UST: variants seen among roughly 807,000 people sequenced by gnomAD.
UST encodes chondroitin sulfate 2-O-sulfotransferase.
In UST, 21 loss-of-function variants were observed where a neutral mutation model predicts 45.6. The ratio of observed to expected loss-of-function variants is 0.46; its 90% CI spans 0.33 to 0.66. UST has a LOEUF of 0.66. Among genes scored for constraint, UST ranks in the 30% least tolerant of loss-of-function variants. The pLI is 0.02. For missense variants in UST, 463 were observed against 512.4 expected (o/e 0.90, Z 0.93); for synonymous variants, 215 against 200.6 (o/e 1.07, Z -0.61).
chr6:149,065,905 T>C (rs897805406), intron 7 of UST, among the ~76,000 whole-genome samples: 1 of 152,222 alleles, frequency 6.6e-6, no homozygotes, highest in Non-Finnish European at 1.5e-5. Context: ...TCATTGTTTA[T>C]ATAAACTGTT....
At chr6:148,779,285 A>C (rs1181906903) in intron 1 of UST, among the ~76,000 whole-genome samples, 1 of 152,226 alleles carries the variant, frequency 6.6e-6, no homozygotes, top group East Asian at 1.9e-4. Context: ...AGTCTTGAGG[A>C]GAAGCATTAC....
chr6:149,033,473 A>C (rs1303262078), intron 7 of UST, among the ~76,000 whole-genome samples: 1 of 152,260 alleles, frequency 6.6e-6, no homozygotes, highest in Non-Finnish European at 1.5e-5. Flanking sequence ...ATGGCACAGA[A>C]TTGTGAAAGA....
chr6:148,853,216 G>A (rs1317512404), intron 1 of UST, among the ~76,000 whole-genome samples: 1 of 152,080 alleles, frequency 6.6e-6, no homozygotes, highest in Non-Finnish European at 1.5e-5. Context: ...TTGGTTTTCT[G>A]TGCCTGTGTT....
chr6:148,769,660 T>TAC (rs2114670986), intron 1 of UST, among the ~76,000 whole-genome samples: 1 of 152,338 alleles, frequency 6.6e-6, no homozygotes, highest in East Asian at 1.9e-4. Context: ...TACCTGTTAA[T>TAC]ACACATACAT....
At position 148,748,110 on chromosome 6, in the gene UST, C is replaced by T. The variant is rs1173017346; in HGVS notation, c.247+433C>T. Among the ~76,000 whole-genome samples, 2 of 152,176 alleles carry T rather than the reference C, an allele frequency of 1.3e-5. No individual in the cohort carries two copies. Among genetic ancestry groups the T allele is most frequent in the African/African-American group, 4.8e-5 (2 of 41,426 alleles). ...CCGCAGTTCAGTCCCGTCCCGCGCC[C>T]CGGGGAGTGTGGGTGGGTTTAGCCC... On this transcript the variant is annotated intron_variant, in intron 1 of 7. Transcript: ENST00000367463. The surrounding 1 kb of genome is among the most constrained non-coding windows in gnomAD (Gnocchi z 5.3).
rs563655077 is a variant in UST at position 148,839,984 on chromosome 6, T to G, written c.248-47002T>G. On this transcript the variant is annotated intron_variant, in intron 1 of 7. Transcript: ENST00000367463. ...CACACTACCTCCCTACTTCCCTATT[T>G]TGGGCAAAACTCACTTTGCTAGGTA... Among the ~76,000 whole-genome samples the G allele has an allele frequency of 2.5e-3, 384 of 152,278 alleles. 2 individuals are homozygous for G. The highest frequency in any genetic ancestry group is 8.5e-3 in the African/African-American group (355 of 41,566).
At chr6:149,055,742 G>T (rs2115038685) in intron 7 of UST, among the ~76,000 whole-genome samples, 1 of 152,246 alleles carries the variant, frequency 6.6e-6, no homozygotes, top group South Asian at 2.1e-4. Context: ...TTATCAAAGG[G>T]GAAGGCTGGT....
chr6:149,053,975 G>A (rs1482171194), intron 7 of UST, among the ~76,000 whole-genome samples: 1 of 152,138 alleles, frequency 6.6e-6, no homozygotes, highest in Non-Finnish European at 1.5e-5. Flanking sequence ...TGGGAATAAT[G>A]GCTCTCCTGC....
chr6:148,915,360 C>A (rs1779567123), intron 2 of UST, among the ~76,000 whole-genome samples: 1 of 152,150 alleles, frequency 6.6e-6, no homozygotes, highest in African/African-American at 2.4e-5. Flanking sequence ...CTTAAGATTG[C>A]CTCATGTTCC....
intron 7 of UST, among the ~76,000 whole-genome samples, chr6:149,047,736 A>C (rs186940890): frequency 4.6e-5 from 7 of 152,370 alleles, no homozygotes; most frequent in Middle Eastern, 3.4e-3. Context: ...ATGGAATATC[A>C]CAAAAATGCC....
At chr6:148,792,565 G>A (rs1408928404) in intron 1 of UST, among the ~76,000 whole-genome samples, 1 of 152,202 alleles carries the variant, frequency 6.6e-6, no homozygotes, top group African/African-American at 2.4e-5. Context: ...CTGTCAGCTT[G>A]TGGCTCAAGG....
chr6:148,758,991 G>A (rs562806614), intron 1 of UST, among the ~76,000 whole-genome samples: 1 of 152,270 alleles, frequency 6.6e-6, no homozygotes, highest in Admixed American at 6.5e-5. Flanking sequence ...TGGATGGAGG[G>A]GGCACTAGGC....
rs1478041366 is a variant in UST at position 149,075,826 on chromosome 6, A to G, written c.*1710A>G. On this transcript the variant is annotated 3_prime_UTR_variant, in exon 8 of 8. Coordinates refer to ENST00000367463, the MANE Select transcript of UST (RefSeq NM_005715.3). ...TGTGAGTTGGGAGTAGTTAATAGTA[A>G]ATAAGACTCTGACTTTACACAAGCT... The G allele has an allele frequency of 6.6e-6, 1 of 152,402 alleles. No individual in the cohort carries two copies. The highest frequency in any genetic ancestry group is 1.5e-5 in the Non-Finnish European group (1 of 68,042). 9.4% of individuals were successfully genotyped at this position (152,402 alleles called of 1,614,324 possible).
At chr6:148,885,716 C>T (rs972772693) in intron 1 of UST, among the ~76,000 whole-genome samples, 3 of 152,110 alleles carry the variant, frequency 2.0e-5, no homozygotes, top group Non-Finnish European at 2.9e-5. Flanking sequence ...AGCCAGAACC[C>T]GCTTATTTAT....
chr6:148,977,693 A>G (rs1046823589), intron 5 of UST, among the ~76,000 whole-genome samples: 4 of 148,998 alleles, frequency 2.7e-5, no homozygotes, highest in Non-Finnish European at 4.4e-5. Flanking sequence ...TGGAGCTTGC[A>G]GTGAGCCAAG....
At chr6:148,808,393 C>T (rs1777190998) in intron 1 of UST, among the ~76,000 whole-genome samples, 1 of 152,120 alleles carries the variant, frequency 6.6e-6, no homozygotes, top group Non-Finnish European at 1.5e-5. Context: ...AACATGACCC[C>T]TTTCCTAGGA....
At chr6:148,797,738 G>A (rs1024440822) in intron 1 of UST, among the ~76,000 whole-genome samples, 2 of 152,308 alleles carry the variant, frequency 1.3e-5, no homozygotes, top group South Asian at 2.1e-4. Flanking sequence ...ACAACGAGGA[G>A]TTGTTCATAG....
At chr6:148,829,608 C>T (rs995265877) in intron 1 of UST, among the ~76,000 whole-genome samples, 4 of 152,166 alleles carry the variant, frequency 2.6e-5, no homozygotes, top group African/African-American at 9.7e-5. Flanking sequence ...CTGCACCAGC[C>T]TCTCCCTGTG....
chr6:148,993,682 C>T (rs896255262), intron 5 of UST, among the ~76,000 whole-genome samples: 3 of 152,182 alleles, frequency 2.0e-5, no homozygotes. Context: ...TTAGCAGCGA[C>T]TCCTTGGTGC....
Sources: gnomAD v4.1 joint callset for allele counts (sites outside exome capture counted in the v4.1 genomes callset) on GRCh38, gnomAD v4.1.1 for gene constraint, Gnocchi (gnomAD v3.1) non-coding constraint, MANE v1.5 for transcripts, NCBI Gene and HGNC (gene_info 2026-07-23, HGNC 2026-07-21) for gene names.